PLEKHG4B: variants seen among roughly 807,000 people sequenced by gnomAD.
The protein encoded by PLEKHG4B is pleckstrin homology and RhoGEF domain containing G4B.
Under a neutral mutation model 121.3 loss-of-function variants are expected in PLEKHG4B, and 111 were observed. That is an observed-to-expected ratio of 0.92 (90% CI 0.78 to 1.07). PLEKHG4B has a LOEUF of 1.07. Among genes scored for constraint, PLEKHG4B ranks in the 50% least tolerant of loss-of-function variants. The pLI, the probability that PLEKHG4B is intolerant of heterozygous loss-of-function variation, is 0.00. For synonymous variants in PLEKHG4B, 738 were observed against 725.0 expected (o/e 1.02, Z -0.29); for missense variants, 1,831 against 1,757.8 (o/e 1.04, Z -0.74).
In PLEKHG4B at chr5:164,550, CAG is replaced by C. The variant is rs199814971; in HGVS notation, c.3476+1003_3476+1004del. 8.1e-4 allele frequency among the ~76,000 whole-genome samples: 95 copies of C among 117,468 alleles called. 5 individuals carry two copies. The highest frequency in any genetic ancestry group is 2.7e-3 in the African/African-American group (64 of 23,704). 77.1% of individuals were successfully genotyped at this position (117,468 alleles called of 152,430 possible). Reference sequence around the variant, plus strand: ...GCTGTGACAGGGGGCGGAGCTCACACAGTAATGCTCTGACAGGGGGCGGAGCT... The same window carrying C: ...GCTGTGACAGGGGGCGGAGCTCACACTAATGCTCTGACAGGGGGCGGAGCT... On this transcript the variant is annotated intron_variant, in intron 13 of 19. Transcript: ENST00000637938.
chr5:119,988 C>T (rs1734420961), intron 2 of PLEKHG4B, among the ~76,000 whole-genome samples: 1 of 152,204 alleles, frequency 6.6e-6, no homozygotes, highest in Non-Finnish European at 1.5e-5. Flanking sequence ...ATTATCACGC[C>T]TGTAATCCCA....
chr5:124,513 G>A (rs553942116), intron 2 of PLEKHG4B, among the ~76,000 whole-genome samples: 2 of 152,316 alleles, frequency 1.3e-5, no homozygotes, highest in Admixed American at 1.3e-4. Flanking sequence ...TTGTAGAGCT[G>A]TCTGTGTCTG....
Position 156,693 on chromosome 5 carries a change from G to GT in PLEKHG4B, c.2349-75dup. ...GGCATGAGGGAATGGAAAGAGCAGG[G>GT]TTTTTATATGGGGTTGTCACCAAGA... On this transcript the variant is annotated intron_variant, in intron 10 of 19. Coordinates refer to ENST00000637938, the MANE Select transcript of PLEKHG4B (RefSeq NM_052909.5). This position sits in a 1 kb window ranked among gnomAD's most constrained non-coding sequence, Gnocchi z 4.4. The GT allele has an allele frequency of 6.8e-7, 1 of 1,477,962 alleles. No homozygotes were observed. The allele number at this position is 1,477,962 out of a possible 1,614,324, so 91.6% of individuals were successfully genotyped here.
rs73014661 is a variant in PLEKHG4B at position 161,679 on chromosome 5, G to A, written c.2488-104G>A. On this transcript the variant is annotated intron_variant, in intron 11 of 19. Transcript: ENST00000637938. ...GCAGCAGCAGGCAGCACTGTGGGCC[G>A]TCCGAGCCTTGGTGCCAGTGGCTAC... 3,278 of 1,496,206 alleles carry A rather than the reference G, an allele frequency of 2.2e-3. 52 individuals are homozygous for A. In the African/African-American group the frequency reaches 0.036, roughly 16 times the overall value. The allele number at this position is 1,496,206 out of a possible 1,614,324, so 92.7% of individuals were successfully genotyped here. A position where few individuals can be genotyped will look rare whatever the true frequency, so the allele number is the denominator to read the frequency against.
chr5:127,030 C>T (rs770123027), intron 2 of PLEKHG4B, among the ~76,000 whole-genome samples: 19 of 152,216 alleles, frequency 1.2e-4, no homozygotes, highest in Non-Finnish European at 2.4e-4. Context: ...ACTTGGCCAG[C>T]GCCATCTTGC....
In PLEKHG4B at chr5:171,133, G is replaced by A; in HGVS notation, c.3819+1G>A. On this transcript the variant is annotated splice_donor_variant, in intron 15 of 19. Coordinates refer to ENST00000637938, the MANE Select transcript of PLEKHG4B (RefSeq NM_052909.5). LOFTEE classifies it high-confidence loss of function. ...CAGCCATGGCAACGCCTTCTTCAAG[G>A]TCATCCCCCTCGGCCCGCCCCCCAC... 6.2e-7 allele frequency: 1 copy of A among 1,612,796 alleles called. No individual in the cohort carries two copies. The highest frequency in any genetic ancestry group is 1.3e-5 in the African/African-American group (1 of 75,048).
At chr5:164,885 G>T (rs1191479811) in intron 13 of PLEKHG4B, among the ~76,000 whole-genome samples, 1 of 81,242 alleles carries the variant, frequency 1.2e-5, no homozygotes, top group Non-Finnish European at 3.1e-5. Flanking sequence ...CTCTGACGGG[G>T]CGGAGCTCAC....
At chr5:164,950 TTACA>T (rs1736247216) in intron 13 of PLEKHG4B, among the ~76,000 whole-genome samples, 1 of 34,624 alleles carries the variant, frequency 2.9e-5, no homozygotes. Context: ...GGGGCGGGGC[TTACA>T]CACTAATGCT....
intron 1 of PLEKHG4B, among the ~76,000 whole-genome samples, chr5:97,809 A>G (rs1008200578): frequency 2.0e-5 from 3 of 152,216 alleles, no homozygotes; most frequent in Admixed American, 6.5e-5. Flanking sequence ...ATACCTCAGA[A>G]TGGAATTTCA....
In PLEKHG4B at chr5:143,274, G is replaced by A. The variant is rs189206011; in HGVS notation, c.1687+18G>A. On this transcript the variant is annotated intron_variant, in intron 4 of 19. Coordinates refer to ENST00000637938, the MANE Select transcript of PLEKHG4B (RefSeq NM_052909.5). The stretch of plus-strand genomic sequence containing the variant: ...CCTCCCAGGTGAGAGCACATGCCAG[G>A]CTCTCCTGTCAGGGCGGATCTGACA... The A allele has an allele frequency of 1.1e-4, 179 of 1,609,424 alleles. No homozygotes were observed. In the African/African-American group the frequency reaches 2.3e-3, roughly 21 times the overall value.
At chr5:176,521 T>C (rs1314676405) in intron 18 of PLEKHG4B, among the ~76,000 whole-genome samples, 1 of 152,234 alleles carries the variant, frequency 6.6e-6, no homozygotes, top group Admixed American at 6.5e-5. Context: ...GTGGGGAAGC[T>C]GAGGCTTCAC....
chr5:145,715 G>A (rs967649419), intron 6 of PLEKHG4B, among the ~76,000 whole-genome samples: 1 of 152,156 alleles, frequency 6.6e-6, no homozygotes, highest in African/African-American at 2.4e-5. Flanking sequence ...ACCGGGGATG[G>A]GAAGATGCTG....
chr5:155,813 TC>T lies in PLEKHG4B; in HGVS notation c.2209-257del, dbSNP rs1460172666. Among the ~76,000 whole-genome samples, 5 of 152,196 alleles carry T rather than the reference TC, an allele frequency of 3.3e-5. No homozygotes were observed. In the East Asian group the frequency reaches 9.7e-4, roughly 29 times the overall value. The stretch of plus-strand genomic sequence containing the variant: ...AGAGTCTGTGAGTGAGGTCTGCATG[TC>T]TGTCCCTGGTCTAAATGGCAGGTTC... On this transcript the variant is annotated intron_variant, in intron 9 of 19. Transcript: ENST00000637938.
rs1326939919 is a variant in PLEKHG4B, at chr5:186,858, A to C, written c.*4535A>C. On this transcript the variant is annotated 3_prime_UTR_variant, in exon 20 of 20. Transcript: ENST00000637938. ...GTGTGGGGATTCCTGCCCCCCGTCC[A>C]TGCCTCAGCACTGGGAGCTGGGAAG... 1 of 152,254 alleles carries C rather than the reference A, an allele frequency of 6.6e-6. No individual in the cohort carries two copies. The highest frequency in any genetic ancestry group is 6.6e-5 in the Admixed American group (1 of 15,266). 9.4% of individuals were successfully genotyped at this position (152,254 alleles called of 1,614,324 possible). A position where few individuals can be genotyped will look rare whatever the true frequency, so the allele number is the denominator to read the frequency against.
intron 1 of PLEKHG4B, among the ~76,000 whole-genome samples, chr5:102,413 C>T (rs563681893): frequency 2.0e-5 from 3 of 152,084 alleles, no homozygotes. Flanking sequence ...CCAAAGTTGA[C>T]CTACTAGAGC....
rs867257315 is a variant in PLEKHG4B, at chr5:101,710, C to T, written c.45+9434C>T. Among the ~76,000 whole-genome samples, 408 of 110,424 alleles carry T rather than the reference C, an allele frequency of 3.7e-3. 1 individual carries two copies. The highest frequency in any genetic ancestry group is 0.014 in the African/African-American group (308 of 22,432). The allele number at this position is 110,424 out of a possible 152,430, so 72.4% of individuals were successfully genotyped here. A position where few individuals can be genotyped will look rare whatever the true frequency, so the allele number is the denominator to read the frequency against. Reference sequence around the variant, plus strand: ...GTTGTGAGGTAAATCCATATAAAGCCCTGGAAAAAGCCTGTAGGGGAGAGA... The same window carrying T: ...GTTGTGAGGTAAATCCATATAAAGCTCTGGAAAAAGCCTGTAGGGGAGAGA... On this transcript the variant is annotated intron_variant, in intron 1 of 19. Transcript: ENST00000637938.
chr5:172,090 C>T (rs1579324760), intron 16 of PLEKHG4B, among the ~76,000 whole-genome samples: 1 of 152,258 alleles, frequency 6.6e-6, no homozygotes, highest in South Asian at 2.1e-4. Flanking sequence ...CAGAGCAGGG[C>T]CGTGGAGGGT....
Position 185,931 on chromosome 5 carries a change from A to C in PLEKHG4B, c.*3608A>C, listed in dbSNP as rs1323801973. On this transcript the variant is annotated 3_prime_UTR_variant, in exon 20 of 20. Transcript: ENST00000637938. ...ACACCAGCCCCACGGGAGCCCCACG[A>C]CCCATCGGGCTGTGGGATGCATCCC... 21 of 152,090 alleles carry C rather than the reference A, an allele frequency of 1.4e-4. No individual in the cohort carries two copies. The highest frequency in any genetic ancestry group is 1.4e-3 in the Admixed American group (21 of 15,276). 9.4% of individuals were successfully genotyped at this position (152,090 alleles called of 1,614,324 possible).
chr5:161,864 C>T lies in PLEKHG4B; in HGVS notation c.2569C>T (p.Leu857=). 5 of 1,613,874 alleles carry T rather than the reference C, an allele frequency of 3.1e-6. No individual in the cohort carries two copies. In the South Asian group the frequency reaches 5.5e-5, roughly 18 times the overall value. Residue 857 remains leucine (L), a synonymous_variant, in exon 12 of 20, where the codon CTG becomes TTG. Transcript: ENST00000637938. ...EEMVQDFRRG[L]SAVVSQAECR... Reference sequence around the variant, plus strand: ...AATGGTCCAGGATTTCAGAAGGGGCCTGAGCGCCGTGGTCAGCCAGGCTGA... The same window carrying T: ...AATGGTCCAGGATTTCAGAAGGGGCTTGAGCGCCGTGGTCAGCCAGGCTGA...
Sources: gnomAD v4.1 joint callset for allele counts (sites outside exome capture counted in the v4.1 genomes callset) on GRCh38, gnomAD v4.1.1 for gene constraint, Gnocchi (gnomAD v3.1) non-coding constraint, MANE v1.5 for transcripts, NCBI Gene and HGNC (gene_info 2026-07-23, HGNC 2026-07-21) for gene names.